Variants in AFG2A observed in about 807,000 individuals in gnomAD.
The protein encoded by AFG2A is ATPase family gene 2 protein homolog A.
At chr4:122,994,072 T>C in the AFG2A span, among the ~76,000 whole-genome samples, 1 of 152,118 alleles carries the variant, frequency 6.6e-6, no homozygotes, top group African/African-American at 2.4e-5. Context: ...AAATTTCAGA[T>C]ATATGTGAAA....
At chr4:123,231,912 A>G in the AFG2A span, among the ~76,000 whole-genome samples, 2 of 151,994 alleles carry the variant, frequency 1.3e-5, no homozygotes, top group Non-Finnish European at 2.9e-5. Flanking sequence ...ACCATCTTAT[A>G]TGGGCATGGT....
At chr4:123,287,835 G>T in the AFG2A span, among the ~76,000 whole-genome samples, 1 of 152,172 alleles carries the variant, frequency 6.6e-6, no homozygotes, top group South Asian at 2.1e-4. Flanking sequence ...TAATAGGGTG[G>T]CCATGGAAAA....
chr4:123,056,512 G>C, the AFG2A span: 1 of 1,322,752 alleles, frequency 7.6e-7, no homozygotes, highest in Non-Finnish European at 1.0e-6. Flanking sequence ...CTTCCCTTTT[G>C]TTTTAGGTAA....
chr4:123,080,706 C>A, the AFG2A span, among the ~76,000 whole-genome samples: 1 of 152,190 alleles, frequency 6.6e-6, no homozygotes, highest in South Asian at 2.1e-4. Flanking sequence ...AGTTGTCCCA[C>A]AGGACAACCC....
At chr4:123,019,190 C>T in the AFG2A span, among the ~76,000 whole-genome samples, 1 of 151,810 alleles carries the variant, frequency 6.6e-6, no homozygotes, top group South Asian at 2.1e-4. Flanking sequence ...GTTTATTATC[C>T]CCATATTATA....
chr4:122,961,258 C>T, the AFG2A span, among the ~76,000 whole-genome samples: 1 of 152,162 alleles, frequency 6.6e-6, no homozygotes, highest in Non-Finnish European at 1.5e-5. Context: ...GATATTTAAA[C>T]ATTTTCTAAA....
chr4:123,071,110 G>A, the AFG2A span, among the ~76,000 whole-genome samples: 1 of 152,164 alleles, frequency 6.6e-6, no homozygotes, highest in Non-Finnish European at 1.5e-5. Flanking sequence ...AGTGCCTGCA[G>A]GTTCAGGATT....
chr4:123,237,747 C>T, the AFG2A span, among the ~76,000 whole-genome samples: 1 of 151,440 alleles, frequency 6.6e-6, no homozygotes, highest in Non-Finnish European at 1.5e-5. Context: ...GTCTGCAGCT[C>T]CCAGCATGAT....
the AFG2A span, among the ~76,000 whole-genome samples, chr4:123,084,004 A>G: frequency 0.1 from 15,950 of 152,178 alleles, 936 homozygotes; most frequent in Middle Eastern, 0.2. Context: ...ACACAGGCCT[A>G]TTCAATTTGT....
the AFG2A span, among the ~76,000 whole-genome samples, chr4:123,258,858 CTTTTTTTTTTTT>C: frequency 4.4e-5 from 4 of 90,328 alleles, no homozygotes; most frequent in Non-Finnish European, 8.5e-5. Context: ...GATACTGGTA[CTTTTTTTTTTTT>C]TTTTTTTTTT....
chr4:123,075,033 T>C, the AFG2A span, among the ~76,000 whole-genome samples: 5 of 152,144 alleles, frequency 3.3e-5, no homozygotes, highest in Non-Finnish European at 5.9e-5. Flanking sequence ...AACCTCTGCC[T>C]CCTGGGTTCA....
At chr4:122,936,080 A>G in the AFG2A span, 2 of 1,578,324 alleles carry the variant, frequency 1.3e-6, no homozygotes. Context: ...TGGTCTTTAA[A>G]TGTATTTTAT....
At chr4:123,100,012 G>A in the AFG2A span, among the ~76,000 whole-genome samples, 1 of 151,760 alleles carries the variant, frequency 6.6e-6, no homozygotes, top group Non-Finnish European at 1.5e-5. Context: ...ATTAGAGAAA[G>A]TAATACCATA....
the AFG2A span, among the ~76,000 whole-genome samples, chr4:122,928,881 T>G: frequency 9.3e-4 from 142 of 152,386 alleles, no homozygotes; most frequent in Non-Finnish European, 1.6e-3. Flanking sequence ...AAAATGCAAT[T>G]TATCTTATTG....
chr4:123,005,614 C>T, the AFG2A span, among the ~76,000 whole-genome samples: 1 of 152,144 alleles, frequency 6.6e-6, no homozygotes, highest in African/African-American at 2.4e-5. Flanking sequence ...CTTTTCTAAT[C>T]TAGGCATTCA....
At chr4:122,986,155 A>G in the AFG2A span, among the ~76,000 whole-genome samples, 22 of 151,776 alleles carry the variant, frequency 1.4e-4, no homozygotes, top group Admixed American at 1.2e-3. Context: ...TATAATTTCA[A>G]TTTTCTTAAA....
At chr4:123,243,075 A>T in the AFG2A span, among the ~76,000 whole-genome samples, 2 of 152,194 alleles carry the variant, frequency 1.3e-5, no homozygotes, top group East Asian at 3.9e-4. Context: ...TAGAATGGTG[A>T]TCATTAAAAA....
At chr4:123,007,623 T>C in the AFG2A span, among the ~76,000 whole-genome samples, 2 of 47,496 alleles carry the variant, frequency 4.2e-5, no homozygotes, top group African/African-American at 1.4e-4. Context: ...TATATATATA[T>C]ATATATACAC....
At chr4:122,995,985 G>A in the AFG2A span, among the ~76,000 whole-genome samples, 2 of 151,978 alleles carry the variant, frequency 1.3e-5, no homozygotes, top group African/African-American at 2.4e-5. Flanking sequence ...CATTTATCTC[G>A]CCCTTTAGTT....
Sources: allele counts gnomAD v4.1 joint callset (sites outside exome capture counted in the v4.1 genomes callset), GRCh38; gene constraint gnomAD v4.1.1; transcripts MANE v1.5; gene names NCBI Gene and HGNC (gene_info 2026-07-23, HGNC 2026-07-21).